The following SPIDR variants were observed in gnomAD, a reference collection of about 807,000 sequenced individuals.
SPIDR encodes the protein DNA repair-scaffolding protein.
Under a neutral mutation model 104.6 loss-of-function variants are expected in SPIDR, and 93 were observed. That is an observed-to-expected ratio of 0.89 (90% CI 0.75 to 1.06). SPIDR has a LOEUF of 1.06. SPIDR is among the 50% of genes least tolerant of loss of function. SPIDR has a pLI of 0.00. For synonymous variants in SPIDR, 431 were observed against 416.9 expected (o/e 1.03, Z -0.41); for missense variants, 1,154 against 1,111.2 (o/e 1.04, Z -0.55).
intron 1 of SPIDR, among the ~76,000 whole-genome samples, chr8:47,276,152 T>C (rs2036387893): frequency 6.6e-6 from 1 of 152,194 alleles, no homozygotes; most frequent in Non-Finnish European, 1.5e-5. Flanking sequence ...TGAGCCACCA[T>C]GCCTTGCCTG....
intron 8 of SPIDR, among the ~76,000 whole-genome samples, chr8:47,448,035 T>C (rs2154346991): frequency 6.6e-6 from 1 of 152,230 alleles, no homozygotes; most frequent in South Asian, 2.1e-4. Context: ...TTTATTGGAG[T>C]GGTCTGCAGC....
At chr8:47,693,428 G>A (rs973553800) in intron 11 of SPIDR, among the ~76,000 whole-genome samples, 1 of 152,216 alleles carries the variant, frequency 6.6e-6, no homozygotes, top group Non-Finnish European at 1.5e-5. Flanking sequence ...GGACACTTGT[G>A]ATATGTGACA....
At chr8:47,301,130 C>A (rs2042007395) in intron 5 of SPIDR, among the ~76,000 whole-genome samples, 1 of 152,094 alleles carries the variant, frequency 6.6e-6, no homozygotes, top group Non-Finnish European at 1.5e-5. Context: ...TCTGGGTGCT[C>A]CCGTATTGGG....
At chr8:47,308,968 C>T (rs958783936) in intron 5 of SPIDR, among the ~76,000 whole-genome samples, 3 of 152,176 alleles carry the variant, frequency 2.0e-5, no homozygotes, top group Admixed American at 6.5e-5. Context: ...TCAGTAGATT[C>T]CAGAGTTTCA....
intron 8 of SPIDR, among the ~76,000 whole-genome samples, chr8:47,489,224 C>G (rs1445395590): frequency 6.6e-6 from 1 of 152,074 alleles, no homozygotes; most frequent in Non-Finnish European, 1.5e-5. Context: ...AAACAGAGAG[C>G]CAAATCATGA....
intron 9 of SPIDR, among the ~76,000 whole-genome samples, chr8:47,597,855 T>C (rs1484926985): frequency 1.3e-5 from 2 of 152,162 alleles, no homozygotes; most frequent in South Asian, 2.1e-4. Context: ...CACTGAATGT[T>C]TGTGTGGCTC....
intron 5 of SPIDR, among the ~76,000 whole-genome samples, chr8:47,299,900 G>T (rs1321099950): frequency 2.0e-5 from 3 of 152,196 alleles, no homozygotes; most frequent in Non-Finnish European, 4.4e-5. Flanking sequence ...AGGGATATTG[G>T]TCTAAAATTC....
chr8:47,291,150 G>T lies in SPIDR; in HGVS notation c.361+13G>T. 1 of 1,558,534 alleles carries T rather than the reference G, an allele frequency of 6.4e-7. No homozygotes were observed. Among genetic ancestry groups the T allele is most frequent in the Non-Finnish European group, 8.8e-7 (1 of 1,136,922 alleles). ...CAGTTACAGAGAGGTAATGGACATT[G>T]CTCTAGAATAGACAGATTTTGTAAC... is the stretch of plus-strand genomic sequence containing the variant. On this transcript the variant is annotated intron_variant, in intron 4 of 19. Transcript: ENST00000297423.
intron 5 of SPIDR, among the ~76,000 whole-genome samples, chr8:47,309,481 T>G (rs2043729468): frequency 6.6e-6 from 1 of 152,218 alleles, no homozygotes; most frequent in African/African-American, 2.4e-5. Context: ...CCAGAAATTA[T>G]ATTTTATCTT....
intron 5 of SPIDR, among the ~76,000 whole-genome samples, chr8:47,330,185 C>T (rs1451288898): frequency 6.7e-6 from 1 of 149,362 alleles, no homozygotes; most frequent in Non-Finnish European, 1.5e-5. Flanking sequence ...GGTGGTGGTG[C>T]TTTTCTTAAG....
intron 5 of SPIDR, among the ~76,000 whole-genome samples, chr8:47,383,804 T>G (rs1031702681): frequency 6.6e-6 from 1 of 152,170 alleles, no homozygotes; most frequent in African/African-American, 2.4e-5. Flanking sequence ...TATATTTGTG[T>G]TTTTTAACTA....
chr8:47,623,524 A>G (rs2065482439), intron 10 of SPIDR, among the ~76,000 whole-genome samples: 1 of 152,156 alleles, frequency 6.6e-6, no homozygotes, highest in South Asian at 2.1e-4. Flanking sequence ...ATAGGCCCAA[A>G]ATGAAGGGAT....
intron 7 of SPIDR, among the ~76,000 whole-genome samples, chr8:47,414,236 A>G (rs1253126675): frequency 6.6e-6 from 1 of 152,222 alleles, no homozygotes; most frequent in Non-Finnish European, 1.5e-5. Flanking sequence ...CCGGTTACTC[A>G]CTATAGTGAA....
chr8:47,728,756 T>C, intron 17 of SPIDR, 177 bp from the exon 18 acceptor site: 1 of 623,898 alleles, frequency 1.6e-6, no homozygotes, highest in Non-Finnish European at 2.7e-6. Flanking sequence ...CTAATGTTCA[T>C]CCCTTGGACA....
intron 7 of SPIDR, among the ~76,000 whole-genome samples, chr8:47,439,581 G>T (rs2069000404): frequency 6.6e-6 from 1 of 152,158 alleles, no homozygotes; most frequent in Non-Finnish European, 1.5e-5. Context: ...AGGTATATTG[G>T]TGCATCTGAC....
chr8:47,533,535 A>G (rs1314334782), intron 8 of SPIDR, among the ~76,000 whole-genome samples: 4 of 152,346 alleles, frequency 2.6e-5, no homozygotes, highest in African/African-American at 4.8e-5. Flanking sequence ...ACAAAGGTCT[A>G]ATATCCAGCA....
At chr8:47,398,751 G>C (rs2154314551) in intron 6 of SPIDR, among the ~76,000 whole-genome samples, 1 of 152,344 alleles carries the variant, frequency 6.6e-6, no homozygotes, top group Admixed American at 6.5e-5. Context: ...GGTCACAGGA[G>C]ATCCAGTGCT....
chr8:47,445,069 G>A (rs1554700479), intron 8 of SPIDR, among the ~76,000 whole-genome samples: 1 of 152,116 alleles, frequency 6.6e-6, no homozygotes, highest in Non-Finnish European at 1.5e-5. Context: ...AAACCTCATA[G>A]TAGAGTCTCT....
intron 5 of SPIDR, among the ~76,000 whole-genome samples, chr8:47,356,397 G>A (rs564340375): frequency 6.6e-6 from 1 of 152,172 alleles, no homozygotes. Context: ...CATCAATATC[G>A]ACGCATTCCT....
Sources: gnomAD v4.1 joint callset for allele counts (sites outside exome capture counted in the v4.1 genomes callset) on GRCh38, gnomAD v4.1.1 for gene constraint, MANE v1.5 for transcripts, NCBI Gene and HGNC (gene_info 2026-07-23, HGNC 2026-07-21) for gene names.